USP15: variants seen among roughly 807,000 people sequenced by gnomAD.
The protein encoded by USP15 is ubiquitin specific peptidase 15.
In USP15, 18 loss-of-function variants were observed where a neutral mutation model predicts 127.1. That is an observed-to-expected ratio of 0.14 (90% confidence interval 0.10 to 0.21). USP15 has a LOEUF of 0.21. Ranked by LOEUF, USP15 falls within the 10% of genes least tolerant of loss-of-function variation. The probability of loss-of-function intolerance (pLI) is 1.00; values close to 1 mark genes in which losing one functional copy is unlikely to be tolerated. For synonymous variants in USP15, 364 were observed against 393.7 expected, an observed-to-expected ratio of 0.92 and a Z score of 0.89; for missense variants, 805 against 1,159.9, an observed-to-expected ratio of 0.69 and a Z score of 4.44.
intron 4 of USP15, among the ~76,000 whole-genome samples, chr12:62,318,744 C>T (rs1405087446): frequency 6.6e-6 from 1 of 152,130 alleles, no homozygotes; most frequent in African/African-American, 2.4e-5. Context: ...TAAAACTAAG[C>T]TCCCTTTCCC....
At chr12:62,315,096 T>C in intron 4 of USP15, 180 bp downstream of exon 4, 2 of 538,532 alleles carry the variant, frequency 3.7e-6, no homozygotes, top group Non-Finnish European at 5.5e-6. Flanking sequence ...TGCTTTTGCA[T>C]TTATTAAATG....
chr12:62,374,300 G>T, intron 8 of USP15: 1 of 817,946 alleles, frequency 1.2e-6, no homozygotes, highest in Non-Finnish European at 1.5e-6. Flanking sequence ...GTTGTGAGTG[G>T]TATTACCTTT....
intron 8 of USP15, among the ~76,000 whole-genome samples, chr12:62,358,201 C>T (rs1019981894): frequency 2.0e-5 from 3 of 151,678 alleles, no homozygotes; most frequent in Admixed American, 6.6e-5. Context: ...TTAATGTAAG[C>T]GTGGGTTATA....
intron 21 of USP15, among the ~76,000 whole-genome samples, chr12:62,403,421 G>T (rs2067757686): frequency 1.3e-5 from 2 of 152,082 alleles, no homozygotes; most frequent in African/African-American, 4.8e-5. Context: ...AAAAGAAATA[G>T]TGAAGCATTA....
intron 1 of USP15, among the ~76,000 whole-genome samples, chr12:62,266,248 A>G (rs1292998953): frequency 6.6e-6 from 1 of 152,204 alleles, no homozygotes. Context: ...CATGAAGCAT[A>G]TAGTAAGATC....
chr12:62,344,798 T>C (rs983709251), intron 6 of USP15, among the ~76,000 whole-genome samples: 1 of 152,168 alleles, frequency 6.6e-6, no homozygotes, highest in African/African-American at 2.4e-5. Context: ...CAACACCACA[T>C]GGAAGCTGCC....
chr12:62,400,070 C>T (rs537760057), intron 20 of USP15, among the ~76,000 whole-genome samples: 50 of 152,014 alleles, frequency 3.3e-4, no homozygotes, highest in Non-Finnish European at 5.4e-4. Context: ...ATTTAGAAGC[C>T]GTACCCTACA....
intron 21 of USP15, 33 bp downstream of exon 21, chr12:62,401,308 G>T: frequency 6.5e-7 from 1 of 1,529,488 alleles, no homozygotes; most frequent in African/African-American, 1.4e-5. Context: ...GAGAACTATG[G>T]GATTCACTGT....
chr12:62,317,237 T>C (rs2137262553), intron 4 of USP15, among the ~76,000 whole-genome samples: 1 of 152,306 alleles, frequency 6.6e-6, no homozygotes, highest in South Asian at 2.1e-4. Context: ...TTTTAGACAC[T>C]TCATGGTTAT....
At chr12:62,340,945 C>A (rs2065626999) in intron 6 of USP15, among the ~76,000 whole-genome samples, 1 of 152,138 alleles carries the variant, frequency 6.6e-6, no homozygotes, top group Non-Finnish European at 1.5e-5. Flanking sequence ...TTTTCTATCT[C>A]ATTGATCTGT....
chr12:62,267,467 T>A (rs1051790071), intron 1 of USP15, among the ~76,000 whole-genome samples: 2 of 152,154 alleles, frequency 1.3e-5, no homozygotes, highest in Non-Finnish European at 2.9e-5. Flanking sequence ...TGCATTTGAT[T>A]ATGTCTAGAC....
Position 62,396,382 on chromosome 12 carries a change from G to T in USP15, c.2658G>T (p.Gly886=), listed in dbSNP as rs749030785. The change falls in exon 20 of 22, where the codon GGG becomes GGT. Residue 886 remains glycine, a synonymous_variant. Transcript: ENST00000280377. ...TTGCTGTTTCCAACCACTATGGAGG[G>T]ATGGGAGGAGGACACTGTAAGTTGA... ...NLIAVSNHYG[G]MGGGHYTAFA... is the part of the protein sequence containing the mutation. The T allele has an allele frequency of 4.3e-6, 7 of 1,613,328 alleles. No individual in the cohort carries two copies. In the African/African-American group the frequency reaches 9.3e-5, roughly 22 times the overall value.
chr12:62,264,492 A>G (rs991551422), intron 1 of USP15, among the ~76,000 whole-genome samples: 3 of 152,256 alleles, frequency 2.0e-5, no homozygotes, highest in African/African-American at 4.8e-5. Context: ...CCATTTTTGT[A>G]TAAACCCTAA....
chr12:62,395,599 T>G (rs1217060891), intron 19 of USP15, among the ~76,000 whole-genome samples: 1 of 150,098 alleles, frequency 6.7e-6, no homozygotes, highest in East Asian at 2.0e-4. Context: ...ATTCATTCGT[T>G]TTTTTTTTTA....
At position 62,302,863 on chromosome 12, in the gene USP15, G is replaced by A. The variant is rs1472260580; in HGVS notation, c.291G>A (p.Trp97Ter). The A allele has an allele frequency of 6.2e-7, 1 of 1,612,946 alleles. No individual in the cohort carries two copies. Among genetic ancestry groups the A allele is most frequent in the Non-Finnish European group, 8.5e-7 (1 of 1,179,336 alleles). ...ACATACTGTTGCCAACTGAAGGTTG[G>A]AATAAACTTGTCAGCTGGTACACAT... ...LDYILLPTEG[W>*]NKLVSWYTLM... Residue 97 changes from tryptophan (W) to a stop codon, truncating the protein, a stop_gained, in exon 3 of 22, where the codon TGG (tryptophan) becomes TGA (stop). Coordinates refer to ENST00000280377, the MANE Select transcript of USP15 (RefSeq NM_001252078.2). LOFTEE classifies it high-confidence loss of function.
At chr12:62,304,787 G>A in intron 3 of USP15, 1 of 419,608 alleles carries the variant, frequency 2.4e-6, no homozygotes, top group Non-Finnish European at 4.8e-6. Context: ...AGAAACCCAG[G>A]TAATTGAGTT....
At chr12:62,263,540 T>G (rs1334089863) in intron 1 of USP15, among the ~76,000 whole-genome samples, 1 of 152,244 alleles carries the variant, frequency 6.6e-6, no homozygotes. Context: ...ATCTAAAAAC[T>G]GATTTTCTAG....
intron 6 of USP15, chr12:62,336,557 T>C (rs1338273266): frequency 1.1e-6 from 1 of 871,238 alleles, no homozygotes; most frequent in Non-Finnish European, 1.4e-6. Context: ...TAGCTGTTAA[T>C]ATTTGTCATA....
intron 6 of USP15, among the ~76,000 whole-genome samples, chr12:62,332,611 T>TGGA (rs2065338519): frequency 6.6e-6 from 1 of 152,204 alleles, no homozygotes; most frequent in Non-Finnish European, 1.5e-5. Flanking sequence ...AGATATGTGC[T>TGGA]TAAGTATTGG....
Sources: gnomAD v4.1 joint callset for allele counts (sites outside exome capture counted in the v4.1 genomes callset) on GRCh38, gnomAD v4.1.1 for gene constraint, MANE v1.5 for transcripts, NCBI Gene and HGNC (gene_info 2026-07-23, HGNC 2026-07-21) for gene names.